PDE11A: variants seen among roughly 807,000 people sequenced by gnomAD.
PDE11A encodes the protein phosphodiesterase 11A.
In PDE11A, 100 loss-of-function variants were observed where a neutral mutation model predicts 100.5. The ratio of observed to expected loss-of-function variants is 1.00; its 90% confidence interval spans 0.85 to 1.18. The LOEUF (loss-of-function observed/expected upper bound fraction) is 1.18. PDE11A is among the 50% of genes most tolerant of loss of function. The pLI is 0.00. For missense variants in PDE11A, 1,141 were observed against 1,152.6 expected, an observed-to-expected ratio of 0.99 and a Z score of 0.15; for synonymous variants, 381 against 420.8, an observed-to-expected ratio of 0.91 and a Z score of 1.16.
At chr2:177,759,831 G>A (rs190067027) in intron 10 of PDE11A, among the ~76,000 whole-genome samples, 98 of 152,216 alleles carry the variant, frequency 6.4e-4, no homozygotes, top group African/African-American at 3.1e-4. Context: ...ACAACATTAC[G>A]TATTAATTGC....
chr2:178,018,897 C>A (rs370178870), intron 1 of PDE11A, among the ~76,000 whole-genome samples: 2 of 152,296 alleles, frequency 1.3e-5, no homozygotes, highest in African/African-American at 4.8e-5. Flanking sequence ...ATTCAAGAAA[C>A]TGTGCAACTG....
chr2:177,627,018 T>A lies in PDE11A; in HGVS notation c.*2389A>T, dbSNP rs13002713. ...ATTCCCCTCTTAGTCTGGTTTATAC[T>A]TTTTTTTTTTTTTTTTTTTTTTTTT... On this transcript the variant is annotated 3_prime_UTR_variant, in exon 20 of 20. Transcript: ENST00000286063. The A allele has an allele frequency of 2.8e-4, 1 of 3,556 alleles. No individual in the cohort carries two copies. The highest frequency in any genetic ancestry group is 0.013 in the South Asian group (1 of 78). 0.2% of individuals were successfully genotyped at this position (3,556 alleles called of 1,614,324 possible). A position where few individuals can be genotyped will look rare whatever the true frequency, so the allele number is the denominator to read the frequency against.
At chr2:177,981,841 T>C (rs1559031394) in intron 2 of PDE11A, among the ~76,000 whole-genome samples, 1 of 151,020 alleles carries the variant, frequency 6.6e-6, no homozygotes, top group Non-Finnish European at 1.5e-5. Context: ...TCTTTTCTTT[T>C]TAAAGGAAGG....
chr2:177,820,259 GAACAGATCTTATGTGAAA>G lies in PDE11A; in HGVS notation c.1519_1536del (p.Phe507_Val512del), dbSNP rs748817210. ...TTGCTATTCCAAATAGGGACACAAA[GAACAGATCTTATGTGAAA>G]ACCAGATATCTGGTCTGCCTAGGAA... On this transcript the variant is annotated inframe_deletion, in exon 7 of 20. Coordinates refer to ENST00000286063, the MANE Select transcript of PDE11A (RefSeq NM_016953.4). 2 of 1,594,170 alleles carry G rather than the reference GAACAGATCTTATGTGAAA, an allele frequency of 1.3e-6. No homozygotes were observed. The highest frequency in any genetic ancestry group is 8.6e-7 in the Non-Finnish European group (1 of 1,162,318).
intron 2 of PDE11A, among the ~76,000 whole-genome samples, chr2:178,089,465 C>T (rs2087395505): frequency 6.6e-6 from 1 of 152,176 alleles, no homozygotes; most frequent in Admixed American, 6.5e-5. Context: ...GTGTAAGAGA[C>T]AATTCTGGCC....
rs552192793 is a variant in PDE11A, at chr2:178,070,516, T to C, written c.912+1010A>G. On this transcript the variant is annotated intron_variant, in intron 1 of 19. Coordinates refer to ENST00000286063, the MANE Select transcript of PDE11A (RefSeq NM_016953.4). ...TTACCAGATGACTATAAAACTTTCC[T>C]AACCAAGGATGAGAATTTTTAATTC... Among the ~76,000 whole-genome samples the C allele has an allele frequency of 3.9e-5, 6 of 152,346 alleles. No homozygotes were observed. In the South Asian group the frequency reaches 1.2e-3, roughly 32 times the overall value.
chr2:177,840,174 T>C, intron 6 of PDE11A, 77 bp downstream of exon 6: 8 of 1,422,814 alleles, frequency 5.6e-6, no homozygotes, highest in Non-Finnish European at 7.9e-6. Flanking sequence ...CTGGTAAGTA[T>C]TCCTTTTTGT....
chr2:177,638,691 C>G (rs2080091314), intron 19 of PDE11A, among the ~76,000 whole-genome samples: 1 of 151,990 alleles, frequency 6.6e-6, no homozygotes, highest in South Asian at 2.1e-4. Context: ...GCTTGCTTTT[C>G]AGCTGCGCAA....
chr2:177,858,342 T>G lies in PDE11A; in HGVS notation c.1367+17517A>C, dbSNP rs1166171863. On this transcript the variant is annotated intron_variant, in intron 5 of 19. Transcript: ENST00000286063. ...AGAATGGGAGAAAATTTTTGCAATC[T>G]ACTCATCTGACAAGGGGCTAATATC... 2.0e-5 allele frequency among the ~76,000 whole-genome samples: 3 copies of G among 151,750 alleles called. No homozygotes were observed. The East Asian group carries it at 5.8e-4, about 29-fold the overall frequency.
At chr2:177,695,146 T>G in intron 15 of PDE11A, among the ~76,000 whole-genome samples, 1 of 151,652 alleles carries the variant, frequency 6.6e-6, no homozygotes, top group Admixed American at 6.6e-5. Flanking sequence ...AATTGCTAGA[T>G]AAAATAATTT....
At chr2:177,783,741 C>A (rs948281711) in intron 9 of PDE11A, among the ~76,000 whole-genome samples, 2 of 152,186 alleles carry the variant, frequency 1.3e-5, no homozygotes, top group Non-Finnish European at 2.9e-5. Context: ...GTATTTCAGA[C>A]AAAAGGGTAC....
chr2:177,838,732 C>A (rs532606377), intron 6 of PDE11A, among the ~76,000 whole-genome samples: 1 of 152,284 alleles, frequency 6.6e-6, no homozygotes, highest in South Asian at 2.1e-4. Context: ...AGTCCTAACT[C>A]AACCACAATG....
chr2:177,925,286 A>G (rs2085111028), intron 2 of PDE11A, among the ~76,000 whole-genome samples: 1 of 152,006 alleles, frequency 6.6e-6, no homozygotes, highest in Admixed American at 6.6e-5. Context: ...CTAGTTCTAG[A>G]TCCCTGAGGA....
chr2:178,013,170 G>A (rs2086292369), intron 2 of PDE11A, among the ~76,000 whole-genome samples: 1 of 152,162 alleles, frequency 6.6e-6, no homozygotes, highest in Admixed American at 6.6e-5. Context: ...CCCCCAGCCT[G>A]TCTGAGAACA....
At chr2:177,835,961 CG>C (rs1168024229) in intron 6 of PDE11A, among the ~76,000 whole-genome samples, 1 of 152,208 alleles carries the variant, frequency 6.6e-6, no homozygotes, top group African/African-American at 2.4e-5. Context: ...TCCCCACTGC[CG>C]TGGGCTCCTG....
chr2:177,773,172 C>A (rs1014955490), intron 9 of PDE11A, among the ~76,000 whole-genome samples: 1 of 152,090 alleles, frequency 6.6e-6, no homozygotes, highest in Admixed American at 6.6e-5. Flanking sequence ...AGGAACACAC[C>A]ACCACGCCCA....
intron 5 of PDE11A, 42 bp downstream of exon 5, chr2:177,875,817 A>T (rs1308815674): frequency 7.6e-7 from 1 of 1,314,546 alleles, no homozygotes; most frequent in Non-Finnish European, 1.1e-6. Flanking sequence ...AACACCAAGG[A>T]CAAAAGAACA....
intron 5 of PDE11A, among the ~76,000 whole-genome samples, chr2:177,861,537 C>G (rs2105670158): frequency 6.6e-6 from 1 of 151,914 alleles, no homozygotes; most frequent in South Asian, 2.1e-4. Context: ...CTAAAATAAA[C>G]TCAGCTACTA....
chr2:178,025,014 G>A (rs1488661103), intron 1 of PDE11A, among the ~76,000 whole-genome samples: 3 of 152,136 alleles, frequency 2.0e-5, no homozygotes, highest in Admixed American at 6.5e-5. Context: ...CACAGCATGT[G>A]GCAACTACAT....
Sources: gnomAD v4.1 joint callset for allele counts (sites outside exome capture counted in the v4.1 genomes callset) on GRCh38, gnomAD v4.1.1 for gene constraint, MANE v1.5 for transcripts, NCBI Gene and HGNC (gene_info 2026-07-23, HGNC 2026-07-21) for gene names.